Variants in SULT2B1 observed in about 807,000 individuals in gnomAD.
SULT2B1 encodes sulfotransferase 2B1.
In SULT2B1, 16 loss-of-function variants were observed where a neutral mutation model predicts 33.2. That is an observed-to-expected ratio of 0.48 (90% CI 0.33 to 0.73). The LOEUF (loss-of-function observed/expected upper bound fraction) is 0.73. Among genes scored for constraint, SULT2B1 ranks in the 30% least tolerant of loss-of-function variants. The probability of loss-of-function intolerance (pLI) is 0.02; values close to 1 mark genes in which losing one functional copy is unlikely to be tolerated. For missense variants in SULT2B1, 500 were observed against 506.0 expected (o/e 0.99, Z 0.11); for synonymous variants, 186 against 200.5 (o/e 0.93, Z 0.61).
At chr19:48,554,513 C>A (rs1348980272) in intron 1 of SULT2B1, among the ~76,000 whole-genome samples, 1 of 147,594 alleles carries the variant, frequency 6.8e-6, no homozygotes, top group Non-Finnish European at 1.5e-5. Context: ...CTCCTCATCT[C>A]CCCCCAACCT....
intron 1 of SULT2B1, among the ~76,000 whole-genome samples, chr19:48,558,348 C>G (rs1026805567): frequency 6.6e-6 from 1 of 152,130 alleles, no homozygotes; most frequent in African/African-American, 2.4e-5. Flanking sequence ...AGCAGGCGCT[C>G]TGCGGTTCCA....
chr19:48,562,274 G>T (rs911364895), intron 1 of SULT2B1, among the ~76,000 whole-genome samples: 2 of 152,110 alleles, frequency 1.3e-5, no homozygotes, highest in African/African-American at 2.4e-5. Flanking sequence ...TGTAATCCCA[G>T]CTACTCGGGT....
At chr19:48,581,906 T>TATC (rs1568410345) in intron 2 of SULT2B1, among the ~76,000 whole-genome samples, 1 of 148,228 alleles carries the variant, frequency 6.7e-6, no homozygotes, top group Admixed American at 6.8e-5. Flanking sequence ...TTATTATTAT[T>TATC]ATTATTATTA....
rs149283040 is a variant in SULT2B1 at position 48,570,179 on chromosome 19, C to CT, written c.72-5747dup. ...TGGCTGTGGGAACCGCCGGTTTGTT[C>CT]TTTTTTTTTTTTTTTCTGAGGCGGA... On this transcript the variant is annotated intron_variant, in intron 1 of 6. Transcript: ENST00000201586. 3.7e-4 allele frequency among the ~76,000 whole-genome samples: 54 copies of CT among 145,690 alleles called. 1 individual carries two copies. Among genetic ancestry groups the CT allele is most frequent in the East Asian group, 2.7e-3 (13 of 4,874 alleles).
chr19:48,573,404 T>C (rs1228302348), intron 1 of SULT2B1, among the ~76,000 whole-genome samples: 1 of 152,060 alleles, frequency 6.6e-6, no homozygotes. Context: ...GGCCTGTTTG[T>C]CTACGTCCCA....
chr19:48,569,389 T>A (rs1441356176), intron 1 of SULT2B1, among the ~76,000 whole-genome samples: 114 of 88,976 alleles, frequency 1.3e-3, no homozygotes, highest in South Asian at 9.6e-3. Context: ...TATATATATA[T>A]ATATATATAT....
Position 48,599,334 on chromosome 19 carries a change from G to C in SULT2B1, c.1026G>C (p.Glu342Asp). 6.3e-7 allele frequency: 1 copy of C among 1,597,240 alleles called. No individual in the cohort carries two copies. Among genetic ancestry groups the C allele is most frequent in the Non-Finnish European group, 8.5e-7 (1 of 1,171,746 alleles). ...SLEPNTSLER[E>D]PRPNSSPSPS... is the part of the protein sequence containing the mutation. ...AGCCCAACACCAGCCTGGAGCGTGA[G>C]CCCAGACCCAACTCCAGCCCCAGCC... Residue 342 changes from glutamate to aspartate, a missense_variant, in exon 7 of 7, where the codon GAG becomes GAC. Transcript: ENST00000201586. The surrounding 1 kb of genome is among the most constrained non-coding windows in gnomAD (Gnocchi z 4.1).
intron 2 of SULT2B1, among the ~76,000 whole-genome samples, chr19:48,576,534 G>A (rs971434422): frequency 3.3e-5 from 5 of 149,502 alleles, no homozygotes; most frequent in Non-Finnish European, 7.4e-5. Flanking sequence ...GTCTTGCTCT[G>A]TCACTCAGGC....
chr19:48,577,352 C>CTTGTTTTTTT (rs1973427440), intron 2 of SULT2B1, among the ~76,000 whole-genome samples: 1 of 30,636 alleles, frequency 3.3e-5, no homozygotes, highest in African/African-American at 1.3e-4. Context: ...ACTGAGCCGT[C>CTTGTTTTTTT]TTTTTTTTTT....
intron 1 of SULT2B1, among the ~76,000 whole-genome samples, chr19:48,563,167 G>C (rs1011001530): frequency 1.3e-5 from 2 of 152,046 alleles, no homozygotes; most frequent in Non-Finnish European, 2.9e-5. Flanking sequence ...CTCCCGCCTT[G>C]GCTTCCCAAA....
At chr19:48,597,880 C>T (rs1186221194) in intron 6 of SULT2B1, among the ~76,000 whole-genome samples, 2 of 151,600 alleles carry the variant, frequency 1.3e-5, no homozygotes, top group African/African-American at 2.4e-5. Flanking sequence ...CCTGACCACC[C>T]GCCTCTTCCT....
Position 48,591,728 on chromosome 19 carries a change from A to G in SULT2B1, c.543A>G (p.Lys181=). The G allele has an allele frequency of 6.3e-7, 1 of 1,584,680 alleles. No homozygotes were observed. Among genetic ancestry groups the G allele is most frequent in the Non-Finnish European group, 8.6e-7 (1 of 1,164,000 alleles). Residue 181 remains lysine, a synonymous_variant, in exon 4 of 7, where the codon AAA becomes AAG. Transcript: ENST00000201586. The stretch of plus-strand genomic sequence containing the variant: ...ACCAGTTCCTGAGGGACTTCCTCAA[A>G]GGCGAAGGTGGGGACAGGGTAAAGC... ...TPDQFLRDFL[K]GEVQFGSWFD...
intron 1 of SULT2B1, among the ~76,000 whole-genome samples, chr19:48,553,622 C>T (rs1461372251): frequency 6.6e-6 from 1 of 152,122 alleles, no homozygotes; most frequent in Non-Finnish European, 1.5e-5. Flanking sequence ...CGCCTCATTT[C>T]ATTCCACTGT....
At chr19:48,595,019 C>A (rs777540682) in intron 5 of SULT2B1, among the ~76,000 whole-genome samples, 35 of 148,454 alleles carry the variant, frequency 2.4e-4, no homozygotes, top group Non-Finnish European at 4.3e-4. Context: ...CAGGCTTAGT[C>A]TCATTGTAAT....
chr19:48,559,409 C>T lies in SULT2B1; in HGVS notation c.71+7086C>T, dbSNP rs561332218. 2.0e-5 allele frequency among the ~76,000 whole-genome samples: 3 copies of T among 151,826 alleles called. No homozygotes were observed. The East Asian group carries it at 5.8e-4, about 30-fold the overall frequency. On this transcript the variant is annotated intron_variant, in intron 1 of 6. Transcript: ENST00000201586. ...TTTTGGAGACAGAGTCTTGCTCTGT[C>T]GCCCAGGCTGGAGAGCAGTGGCGTG...
chr19:48,584,055 T>C (rs1373072483), intron 2 of SULT2B1, among the ~76,000 whole-genome samples: 2 of 152,052 alleles, frequency 1.3e-5, no homozygotes, highest in African/African-American at 4.8e-5. Flanking sequence ...GAGGTTGCAG[T>C]GAGCTGAGAT....
In SULT2B1 at chr19:48,579,452, T is replaced by C. The variant is rs567819893; in HGVS notation, c.214+3369T>C. Among the ~76,000 whole-genome samples the C allele has an allele frequency of 1.9e-4, 28 of 151,262 alleles. No homozygotes were observed. In the South Asian group the frequency reaches 5.6e-3, roughly 30 times the overall value. On this transcript the variant is annotated intron_variant, in intron 2 of 6. Coordinates refer to ENST00000201586, the MANE Select transcript of SULT2B1 (RefSeq NM_177973.2). Reference sequence around the variant, plus strand: ...CGCCCACCACCATACCCAGCTAATTTTTTGTATTTTTAGTAGAGACGGGGT... The same window carrying C: ...CGCCCACCACCATACCCAGCTAATTCTTTGTATTTTTAGTAGAGACGGGGT...
chr19:48,563,973 A>AC (rs1287329559), intron 1 of SULT2B1, among the ~76,000 whole-genome samples: 1 of 151,188 alleles, frequency 6.6e-6, no homozygotes, highest in Non-Finnish European at 1.5e-5. Context: ...AAAAAAAAAA[A>AC]ACAAAAGAAG....
intron 3 of SULT2B1, chr19:48,591,263 T>G: frequency 1.1e-5 from 2 of 176,356 alleles, no homozygotes; most frequent in East Asian, 1.6e-4. Flanking sequence ...CCTCAAGGGG[T>G]TCCTCAATCT....
Sources: gnomAD v4.1 joint callset for allele counts (sites outside exome capture counted in the v4.1 genomes callset) on GRCh38, gnomAD v4.1.1 for gene constraint, Gnocchi (gnomAD v3.1) non-coding constraint, MANE v1.5 for transcripts, NCBI Gene and HGNC (gene_info 2026-07-23, HGNC 2026-07-21) for gene names.